Variants in RAB38 observed in about 807,000 individuals in gnomAD.
RAB38 encodes ras-related protein Rab-38.
A neutral mutation model predicts 18.4 loss-of-function variants in RAB38; 15 were observed. The observed-to-expected ratio is 0.82, with a 90% confidence interval of 0.55 to 1.26. The LOEUF is 1.26. Among genes scored for constraint, RAB38 ranks in the 50% most tolerant of loss-of-function variants. The pLI, the probability that RAB38 is intolerant of heterozygous loss-of-function variation, is 0.00. For missense variants in RAB38, 294 were observed against 267.4 expected (o/e 1.10, Z -0.69); for synonymous variants, 101 against 104.4 (o/e 0.97, Z 0.20).
chr11:88,052,907 T>TAG, the RAB38 span, among the ~76,000 whole-genome samples: 5 of 16,434 alleles, frequency 3.0e-4, no homozygotes, highest in East Asian at 5.5e-3. Context: ...ATTTCATATA[T>TAG]ATATATATAT....
the RAB38 span, among the ~76,000 whole-genome samples, chr11:88,018,217 C>T: frequency 2.0e-5 from 3 of 152,150 alleles, no homozygotes; most frequent in Non-Finnish European, 4.4e-5. Context: ...TCTTATTTCA[C>T]TGAGCCAGTC....
downstream of RAB38, among the ~76,000 whole-genome samples, chr11:88,112,208 T>C (rs1260754357): frequency 6.6e-6 from 1 of 152,222 alleles, no homozygotes; most frequent in East Asian, 1.9e-4. Context: ...TGTAGTTCAT[T>C]TGATAAATAA....
At chr11:88,121,628 T>C (rs1477086071) in intron 2 of RAB38, among the ~76,000 whole-genome samples, 2 of 152,144 alleles carry the variant, frequency 1.3e-5, no homozygotes, top group African/African-American at 2.4e-5. Context: ...AGTGGCACAA[T>C]CTTGGCTCAC....
the RAB38 span, among the ~76,000 whole-genome samples, chr11:87,960,543 A>T: frequency 6.6e-6 from 1 of 152,116 alleles, no homozygotes; most frequent in South Asian, 2.1e-4. Context: ...TCATTATCAG[A>T]TTTGATCCTC....
At chr11:87,963,623 C>T in the RAB38 span, among the ~76,000 whole-genome samples, 2 of 151,310 alleles carry the variant, frequency 1.3e-5, no homozygotes, top group Non-Finnish European at 2.9e-5. Flanking sequence ...GTAGAGATAG[C>T]TAAATATGGC....
At chr11:88,173,447 A>T in intron 1 of RAB38, 1 of 831,608 alleles carries the variant, frequency 1.2e-6, no homozygotes, top group Non-Finnish European at 1.4e-6. Flanking sequence ...TAAAGTAAGG[A>T]TCCAGATGGA....
the RAB38 span, among the ~76,000 whole-genome samples, chr11:87,838,091 C>T: frequency 6.6e-6 from 1 of 151,786 alleles, no homozygotes; most frequent in African/African-American, 2.4e-5. Context: ...GGAAGAAAGG[C>T]TTACATTCTT....
chr11:88,122,799 T>C (rs1379584028), intron 2 of RAB38, among the ~76,000 whole-genome samples: 1 of 152,222 alleles, frequency 6.6e-6, no homozygotes, highest in Admixed American at 6.5e-5. Flanking sequence ...TTTATGATAA[T>C]TAAATGCTTT....
the RAB38 span, among the ~76,000 whole-genome samples, chr11:87,972,073 G>C: frequency 6.6e-6 from 1 of 151,982 alleles, no homozygotes; most frequent in African/African-American, 2.4e-5. Flanking sequence ...AATTCAGTAA[G>C]AAAGACGATT....
chr11:88,137,295 A>G (rs184256258), intron 2 of RAB38, among the ~76,000 whole-genome samples: 47 of 152,238 alleles, frequency 3.1e-4, no homozygotes, highest in Non-Finnish European at 6.3e-4. Flanking sequence ...TAGAAGAACA[A>G]AAGTAGACTG....
chr11:87,959,080 A>G, the RAB38 span, among the ~76,000 whole-genome samples: 1 of 152,000 alleles, frequency 6.6e-6, no homozygotes, highest in African/African-American at 2.4e-5. Context: ...CACCCCACCA[A>G]TCATCAAATG....
chr11:87,873,884 A>ATGTG, the RAB38 span, among the ~76,000 whole-genome samples: 6 of 140,442 alleles, frequency 4.3e-5, no homozygotes, highest in East Asian at 6.2e-4. Flanking sequence ...GTGTATATAT[A>ATGTG]TGTGTGTGTA....
the RAB38 span, among the ~76,000 whole-genome samples, chr11:87,838,026 G>A: frequency 2.0e-5 from 3 of 152,082 alleles, no homozygotes; most frequent in African/African-American, 7.2e-5. Flanking sequence ...ACTCTTTCAT[G>A]TGTGAATGTT....
At chr11:87,898,981 C>T in the RAB38 span, among the ~76,000 whole-genome samples, 1 of 151,660 alleles carries the variant, frequency 6.6e-6, no homozygotes, top group Non-Finnish European at 1.5e-5. Flanking sequence ...TGCAAATACT[C>T]TCAGGAGTAG....
At chr11:87,937,945 G>A in the RAB38 span, among the ~76,000 whole-genome samples, 2 of 147,382 alleles carry the variant, frequency 1.4e-5, no homozygotes, top group Admixed American at 6.8e-5. Context: ...TGGAATTTTG[G>A]TGTTTGTATC....
chr11:88,174,066 G>A (rs1230857492), intron 1 of RAB38: 5 of 985,302 alleles, frequency 5.1e-6, no homozygotes, highest in Non-Finnish European at 6.0e-6. Context: ...CATGAAATAA[G>A]ACTGTTTGAA....
the RAB38 span, among the ~76,000 whole-genome samples, chr11:87,837,230 C>T: frequency 6.6e-6 from 1 of 152,208 alleles, no homozygotes; most frequent in South Asian, 2.1e-4. Flanking sequence ...TATATACTTA[C>T]ATAGCTCCCT....
the RAB38 span, among the ~76,000 whole-genome samples, chr11:87,882,995 C>T: frequency 2.6e-5 from 4 of 151,966 alleles, no homozygotes; most frequent in East Asian, 7.8e-4. Context: ...ATTGAATTTT[C>T]ACTGATTTAT....
the RAB38 span, among the ~76,000 whole-genome samples, chr11:87,949,800 T>A: frequency 6.6e-6 from 1 of 152,240 alleles, no homozygotes; most frequent in Non-Finnish European, 1.5e-5. Context: ...AAGGAGTGCT[T>A]TACTTCCAAC....
Sources: gnomAD v4.1 joint callset for allele counts (sites outside exome capture counted in the v4.1 genomes callset) on GRCh38, gnomAD v4.1.1 for gene constraint, MANE v1.5 for transcripts, NCBI Gene and HGNC (gene_info 2026-07-23, HGNC 2026-07-21) for gene names.